The following HSP90B1 variants were observed in gnomAD, a reference collection of about 807,000 sequenced individuals.
The protein encoded by HSP90B1 is heat shock protein 90 beta family member 1.
In HSP90B1, 27 loss-of-function variants were observed where a neutral mutation model predicts 100.4. The observed-to-expected ratio is 0.27, with a 90% CI of 0.20 to 0.37. The LOEUF is 0.37. Among genes scored for constraint, HSP90B1 ranks in the 10% least tolerant of loss-of-function variants. The probability of loss-of-function intolerance (pLI) is 1.00; values close to 1 mark genes in which losing one functional copy is unlikely to be tolerated. For missense variants in HSP90B1, 678 were observed against 960.5 expected (o/e 0.71, Z 3.89); for synonymous variants, 304 against 330.8 (o/e 0.92, Z 0.88).
chr12:103,937,875 G>A, intron 6 of HSP90B1, 69 bp downstream of exon 6: 4 of 838,452 alleles, frequency 4.8e-6, no homozygotes, highest in Non-Finnish European at 7.7e-6. Context: ...AACACTAAAA[G>A]AATGAAGGCA....
intron 16 of HSP90B1, 122 bp from the exon 17 acceptor site, chr12:103,947,189 A>T (rs879166687): frequency 7.6e-7 from 1 of 1,319,978 alleles, no homozygotes; most frequent in Admixed American, 2.5e-5. Context: ...CATTCTAGTT[A>T]AGAGGATTTA....
chr12:103,947,739 T>C lies in HSP90B1; in HGVS notation c.*77T>C, dbSNP rs1870284938. On this transcript the variant is annotated 3_prime_UTR_variant, in exon 18 of 18. Transcript: ENST00000299767. ...ATCATTTCTTTTTGGGAGAGACTTG[T>C]TTTGGATGCCCCCTAATCCCCTTCT... 8.2e-7 allele frequency: 1 copy of C among 1,218,090 alleles called. No homozygotes were observed. The highest frequency in any genetic ancestry group is 1.2e-6 in the Non-Finnish European group (1 of 819,702). The allele number at this position is 1,218,090 out of a possible 1,614,324, so 75.5% of individuals were successfully genotyped here. A position where few individuals can be genotyped will look rare whatever the true frequency, so the allele number is the denominator to read the frequency against.
intron 16 of HSP90B1, 49 bp from the exon 17 acceptor site, chr12:103,947,262 A>G: frequency 6.5e-7 from 1 of 1,534,016 alleles, no homozygotes; most frequent in Non-Finnish European, 8.7e-7. Flanking sequence ...AAATGAGCAA[A>G]GTGGAAATAA....
intron 14 of HSP90B1, among the ~76,000 whole-genome samples, chr12:103,945,607 G>A (rs1870202423): frequency 6.6e-6 from 1 of 152,232 alleles, no homozygotes; most frequent in Admixed American, 6.5e-5. Context: ...TGAACTTGGG[G>A]AGGCAGAGCT....
At chr12:103,939,681 C>T (rs1870021520) in intron 8 of HSP90B1, 56 bp downstream of exon 8, 3 of 787,512 alleles carry the variant, frequency 3.8e-6, no homozygotes, top group East Asian at 5.5e-5. Context: ...AAAATATCAC[C>T]CTCTTAGTTT....
intron 2 of HSP90B1, 61 bp downstream of exon 2, chr12:103,931,684 C>A: frequency 2.6e-6 from 3 of 1,161,884 alleles, no homozygotes; most frequent in South Asian, 1.3e-5. Context: ...GAGTTACGGT[C>A]ACTTCTTATG....
chr12:103,942,249 A>G (rs919389187), intron 11 of HSP90B1, among the ~76,000 whole-genome samples: 12 of 152,310 alleles, frequency 7.9e-5, no homozygotes, highest in African/African-American at 2.9e-4. Context: ...AGTATTTGAA[A>G]GTAGCATATT....
rs1186144541 is a variant in HSP90B1 at position 103,941,826 on chromosome 12, C to T, written c.1309-6C>T. ...TGCTCACTGAACTTTCTTTTGCCAT[C>T]TGAAGGTGGACTCAGATGATCTCCC... On this transcript the variant is annotated splice_region_variant and splice_polypyrimidine_tract_variant and intron_variant, in intron 10 of 17. Transcript: ENST00000299767. 22 of 1,613,558 alleles carry T rather than the reference C, an allele frequency of 1.4e-5. No homozygotes were observed. The highest frequency in any genetic ancestry group is 1.9e-5 in the Non-Finnish European group (22 of 1,179,636).
Position 103,943,411 on chromosome 12 carries a change from T to A in HSP90B1, c.1890+92T>A. 4 of 1,233,678 alleles carry A rather than the reference T, an allele frequency of 3.2e-6. No homozygotes were observed. Among genetic ancestry groups the A allele is most frequent in the Non-Finnish European group, 4.6e-6 (4 of 860,428 alleles). 76.4% of individuals were successfully genotyped at this position (1,233,678 alleles called of 1,614,324 possible). On this transcript the variant is annotated intron_variant, in intron 13 of 17. Transcript: ENST00000299767. The surrounding 1 kb of genome is among the most constrained non-coding windows in gnomAD (Gnocchi z 5.3). ...CAAATTAAGCTGCAGCTGGTTACTTTGTAACCATTAGAATGGTAAAAATTT... is the reference window on the plus strand; with the variant it reads ...CAAATTAAGCTGCAGCTGGTTACTTAGTAACCATTAGAATGGTAAAAATTT...
intron 5 of HSP90B1, among the ~76,000 whole-genome samples, chr12:103,937,245 T>C (rs1479181536): frequency 6.6e-6 from 1 of 152,230 alleles, no homozygotes; most frequent in Non-Finnish European, 1.5e-5. Flanking sequence ...ATAGTGCAGA[T>C]ATAAATATAA....
At chr12:103,941,252 C>G (rs1429346181) in intron 8 of HSP90B1, among the ~76,000 whole-genome samples, 158 bp from the exon 9 acceptor site, 1 of 152,012 alleles carries the variant, frequency 6.6e-6, no homozygotes, top group East Asian at 1.9e-4. Flanking sequence ...TTCTCTTCCC[C>G]CCACCCTTTT....
Position 103,946,706 on chromosome 12 carries a change from A to T in HSP90B1, c.2106+10A>T. Reference sequence around the variant, plus strand: ...GCTTCGACGAATTAAGGTAGTATTAAAGCAGTCCTCTTGCTTGTCTTTTAA... The same window carrying T: ...GCTTCGACGAATTAAGGTAGTATTATAGCAGTCCTCTTGCTTGTCTTTTAA... On this transcript the variant is annotated intron_variant, in intron 15 of 17. Coordinates refer to ENST00000299767, the MANE Select transcript of HSP90B1 (RefSeq NM_003299.3). 1 of 1,613,618 alleles carries T rather than the reference A, an allele frequency of 6.2e-7. No homozygotes were observed. The highest frequency in any genetic ancestry group is 8.5e-7 in the Non-Finnish European group (1 of 1,179,540).
intron 14 of HSP90B1, among the ~76,000 whole-genome samples, chr12:103,945,142 CT>C (rs1870190611): frequency 6.6e-6 from 1 of 151,318 alleles, no homozygotes; most frequent in African/African-American, 2.4e-5. Context: ...AACATTTAGA[CT>C]AGTGAAAATG....
At chr12:103,945,070 C>A (rs1327252942) in intron 14 of HSP90B1, among the ~76,000 whole-genome samples, 1 of 152,184 alleles carries the variant, frequency 6.6e-6, no homozygotes, top group Non-Finnish European at 1.5e-5. Flanking sequence ...ATCCAACAAA[C>A]ATGAAGACTT....
chr12:103,931,660 C>T (rs762173016), intron 2 of HSP90B1, 37 bp downstream of exon 2: 2 of 1,435,554 alleles, frequency 1.4e-6, no homozygotes, highest in Non-Finnish European at 2.0e-6. Flanking sequence ...ACAGATAAGC[C>T]GTGTGAACCT....
In HSP90B1 at chr12:103,943,008, G is replaced by T; in HGVS notation, c.1645-66G>T. The T allele has an allele frequency of 1.9e-6, 3 of 1,577,188 alleles. No homozygotes were observed. Among genetic ancestry groups the T allele is most frequent in the Non-Finnish European group, 2.6e-6 (3 of 1,162,096 alleles). On this transcript the variant is annotated intron_variant, in intron 12 of 17. Coordinates refer to ENST00000299767, the MANE Select transcript of HSP90B1 (RefSeq NM_003299.3). This position sits in a 1 kb window ranked among gnomAD's most constrained non-coding sequence, Gnocchi z 5.3. Reference sequence around the variant, plus strand: ...TTTTTAATAATGTATAAACATAGCAGCTGCTAGGATAAACAAATACACCAG... The same window carrying T: ...TTTTTAATAATGTATAAACATAGCATCTGCTAGGATAAACAAATACACCAG...
At chr12:103,931,410 C>T (rs1869756029) in intron 1 of HSP90B1, 111 bp from the exon 2 acceptor site, 1 of 692,054 alleles carries the variant, frequency 1.4e-6, no homozygotes, top group South Asian at 1.7e-5. Context: ...ACTCTTTCAT[C>T]CCCACCTCCC....
chr12:103,947,486 A>G, intron 17 of HSP90B1, 56 bp downstream of exon 17: 1 of 1,613,602 alleles, frequency 6.2e-7, no homozygotes, highest in Non-Finnish European at 8.5e-7. Context: ...GTTAGGACAG[A>G]GTTTTAGTTC....
rs780417558 is a variant in HSP90B1 at position 103,947,857 on chromosome 12, G to A, written c.*195G>A. On this transcript the variant is annotated 3_prime_UTR_variant, in exon 18 of 18. Coordinates refer to ENST00000299767, the MANE Select transcript of HSP90B1 (RefSeq NM_003299.3). ...TAACATTCCTCATGAATGTAAATTT[G>A]TACTATTTAACTGACTATTCTTGAT... is the stretch of plus-strand genomic sequence containing the variant. 22 of 618,096 alleles carry A rather than the reference G, an allele frequency of 3.6e-5. No individual in the cohort carries two copies. In the Admixed American group the frequency reaches 5.8e-4, roughly 16 times the overall value. 38.3% of individuals were successfully genotyped at this position (618,096 alleles called of 1,614,324 possible).
Sources: gnomAD v4.1 joint callset for allele counts (sites outside exome capture counted in the v4.1 genomes callset) on GRCh38, gnomAD v4.1.1 for gene constraint, Gnocchi (gnomAD v3.1) non-coding constraint, MANE v1.5 for transcripts, NCBI Gene and HGNC (gene_info 2026-07-23, HGNC 2026-07-21) for gene names.